The following RNF217 variants were observed in gnomAD, a reference collection of about 807,000 sequenced individuals.
The protein encoded by RNF217 is E3 ubiquitin-protein ligase RNF217.
Under a neutral mutation model 57.8 loss-of-function variants are expected in RNF217, and 31 were observed. The ratio of observed to expected loss-of-function variants is 0.54; its 90% confidence interval spans 0.40 to 0.72. The LOEUF (loss-of-function observed/expected upper bound fraction) is 0.72, where lower values mean the gene tolerates loss of function less well. RNF217 is among the 30% of genes least tolerant of loss of function. The pLI is 0.00. For synonymous variants in RNF217, 313 were observed against 294.0 expected, an observed-to-expected ratio of 1.06 and a Z score of -0.66; for missense variants, 696 against 708.3, an observed-to-expected ratio of 0.98 and a Z score of 0.20.
intron 1 of RNF217, among the ~76,000 whole-genome samples, chr6:125,027,168 ATTAAG>A (rs1321401797): frequency 6.6e-6 from 1 of 152,122 alleles, no homozygotes; most frequent in Non-Finnish European, 1.5e-5. Context: ...ATCCAATTAC[ATTAAG>A]TTATTTTAAA....
In RNF217 at chr6:125,028,423, A is replaced by G. The variant is rs376896841; in HGVS notation, c.883-16788A>G. The stretch of plus-strand genomic sequence containing the variant: ...CCCATTTTTTATTAGGCTATTATAT[A>G]TTTCTTTTGGAACTACACTGAGTGT... On this transcript the variant is annotated intron_variant, in intron 1 of 5. Coordinates refer to ENST00000521654, the MANE Select transcript of RNF217 (RefSeq NM_001286398.3). Among the ~76,000 whole-genome samples the G allele has an allele frequency of 5.1e-3, 775 of 152,054 alleles. 3 individuals are homozygous for G. The highest frequency in any genetic ancestry group is 0.017 in the African/African-American group (716 of 41,490).
rs1788938069 is a variant in RNF217 at position 125,091,186 on chromosome 6, A to G, written c.*8249A>G. On this transcript the variant is annotated 3_prime_UTR_variant, in exon 6 of 6. Transcript: ENST00000521654. The stretch of plus-strand genomic sequence containing the variant: ...AGCATTTACACTCTAATTACTGAAA[A>G]TAAAGGAAGAAGTTGGTGAATAAAA... 6.6e-6 allele frequency: 1 copy of G among 152,112 alleles called. No individual in the cohort carries two copies. The highest frequency in any genetic ancestry group is 1.5e-5 in the Non-Finnish European group (1 of 67,942). 9.4% of individuals were successfully genotyped at this position (152,112 alleles called of 1,614,324 possible). A position where few individuals can be genotyped will look rare whatever the true frequency, so the allele number is the denominator to read the frequency against.
At chr6:124,975,143 C>A (rs1319878332) in intron 1 of RNF217, among the ~76,000 whole-genome samples, 1 of 152,060 alleles carries the variant, frequency 6.6e-6, no homozygotes, top group Non-Finnish European at 1.5e-5. Flanking sequence ...GGTATTGATT[C>A]TTGCTTTATT....
intron 5 of RNF217, 139 bp from the exon 6 acceptor site, chr6:125,082,725 G>C: frequency 8.3e-7 from 1 of 1,207,690 alleles, no homozygotes; most frequent in Non-Finnish European, 1.2e-6. Flanking sequence ...AAATATTGAA[G>C]AAGTAAATAC....
intron 1 of RNF217, among the ~76,000 whole-genome samples, chr6:124,993,648 A>G (rs529750395): frequency 1.3e-5 from 2 of 152,316 alleles, no homozygotes; most frequent in South Asian, 2.1e-4. Context: ...CTTACAGTGT[A>G]GTAGGTGCTA....
intron 1 of RNF217, among the ~76,000 whole-genome samples, chr6:124,964,138 A>C (rs1356961886): frequency 1.3e-5 from 2 of 152,196 alleles, no homozygotes; most frequent in African/African-American, 4.8e-5. Flanking sequence ...GGAAAGCTTG[A>C]GAGTGCACCA....
chr6:125,008,186 G>A (rs1023259441), intron 1 of RNF217, among the ~76,000 whole-genome samples: 7 of 152,070 alleles, frequency 4.6e-5, no homozygotes, highest in African/African-American at 1.7e-4. Flanking sequence ...AACCCAGGGG[G>A]CGGAGCTTGC....
chr6:124,983,400 T>C (rs1784248253), intron 1 of RNF217: 1 of 984,828 alleles, frequency 1.0e-6, no homozygotes, highest in South Asian at 4.7e-5. Context: ...CATGAGAAGA[T>C]TAAGGTAGAG....
chr6:124,991,222 C>T (rs1182116322), intron 1 of RNF217, among the ~76,000 whole-genome samples: 1 of 152,154 alleles, frequency 6.6e-6, no homozygotes, highest in East Asian at 1.9e-4. Context: ...TTTTCTATTC[C>T]TCCTGCCATT....
At chr6:125,052,284 TTGTG>T (rs368469313) in intron 2 of RNF217, among the ~76,000 whole-genome samples, 265 of 143,214 alleles carry the variant, frequency 1.9e-3, no homozygotes, top group East Asian at 3.3e-3. Context: ...GTCATGCGTT[TTGTG>T]TGTGTGTGTG....
intron 1 of RNF217, chr6:124,996,435 A>G (rs1017340858): frequency 1.3e-5 from 2 of 152,156 alleles, no homozygotes; most frequent in African/African-American, 4.8e-5. Flanking sequence ...TATACCCTCA[A>G]TACTAATCTT....
At chr6:125,010,319 T>C (rs1045768373) in intron 1 of RNF217, among the ~76,000 whole-genome samples, 11 of 152,194 alleles carry the variant, frequency 7.2e-5, no homozygotes, top group Non-Finnish European at 1.2e-4. Context: ...TTATTAGTGA[T>C]CAAATATGTT....
intron 1 of RNF217, among the ~76,000 whole-genome samples, chr6:125,027,911 G>T (rs9388401): frequency 6.6e-6 from 1 of 151,978 alleles, no homozygotes; most frequent in Non-Finnish European, 1.5e-5. Flanking sequence ...CAGTGATGTT[G>T]AGCATCTTTT....
chr6:125,003,623 G>A (rs1785064921), intron 1 of RNF217, among the ~76,000 whole-genome samples: 1 of 151,922 alleles, frequency 6.6e-6, no homozygotes, highest in Admixed American at 6.6e-5. Context: ...ATAAGGTGAT[G>A]GATTTGTTAA....
At chr6:125,036,432 G>A (rs9482586) in intron 1 of RNF217, among the ~76,000 whole-genome samples, 3,016 of 152,170 alleles carry the variant, frequency 0.02, 91 homozygotes, top group African/African-American at 0.069. Context: ...AATCCTTTGG[G>A]TATATACCCA....
chr6:125,050,937 C>T (rs760467080), intron 2 of RNF217, among the ~76,000 whole-genome samples: 3 of 151,678 alleles, frequency 2.0e-5, no homozygotes, highest in Non-Finnish European at 4.4e-5. Flanking sequence ...TGTTGATAGA[C>T]GCCAGTGTAA....
chr6:124,979,582 G>A (rs1411073696), intron 1 of RNF217, among the ~76,000 whole-genome samples: 1 of 152,216 alleles, frequency 6.6e-6, no homozygotes, highest in East Asian at 1.9e-4. Context: ...CATGTTTTGA[G>A]AACTGAAGGA....
At position 125,091,931 on chromosome 6, in the gene RNF217, G is replaced by A. The variant is rs1788964680; in HGVS notation, c.*8994G>A. On this transcript the variant is annotated 3_prime_UTR_variant, in exon 6 of 6. Coordinates refer to ENST00000521654, the MANE Select transcript of RNF217 (RefSeq NM_001286398.3). ...TGTTTTAGCTTTATACAAAATGCTA[G>A]GTTTGTTATATTCTTTATGTATCAT... 1 of 151,958 alleles carries A rather than the reference G, an allele frequency of 6.6e-6. No individual in the cohort carries two copies. Among genetic ancestry groups the A allele is most frequent in the Admixed American group, 6.6e-5 (1 of 15,246 alleles). The allele number at this position is 151,958 out of a possible 1,614,324, so 9.4% of individuals were successfully genotyped here. A position where few individuals can be genotyped will look rare whatever the true frequency, so the allele number is the denominator to read the frequency against.
In RNF217 at chr6:124,963,785, G is replaced by A. The variant is rs11962762; in HGVS notation, c.882+359G>A. On this transcript the variant is annotated intron_variant, in intron 1 of 5. Coordinates refer to ENST00000521654, the MANE Select transcript of RNF217 (RefSeq NM_001286398.3). ...GTATCCCAGAAACTAACAAGCAGTG[G>A]GCATAGAATAAATATTTATGGAGCT... Among the ~76,000 whole-genome samples the A allele has an allele frequency of 7.9e-3, 1,206 of 152,270 alleles. 22 individuals carry two copies. Among genetic ancestry groups the A allele is most frequent in the African/African-American group, 0.028 (1,162 of 41,550 alleles).
Sources: allele counts gnomAD v4.1 joint callset (sites outside exome capture counted in the v4.1 genomes callset), GRCh38; gene constraint gnomAD v4.1.1; transcripts MANE v1.5; gene names NCBI Gene and HGNC (gene_info 2026-07-23, HGNC 2026-07-21).